SLC8A1: variants seen among roughly 807,000 people sequenced by gnomAD.
SLC8A1 encodes solute carrier family 8 member A1, also known as sodium/calcium exchanger 1.
A neutral mutation model predicts 68.3 loss-of-function variants in SLC8A1; 18 were observed. That is an observed-to-expected ratio of 0.26 (90% CI 0.18 to 0.39). The LOEUF (loss-of-function observed/expected upper bound fraction) is 0.39. Among genes scored for constraint, SLC8A1 ranks in the 10% least tolerant of loss-of-function variants. The pLI is 1.00. For missense variants in SLC8A1, 985 were observed against 1,156.7 expected, an observed-to-expected ratio of 0.85 and a Z score of 2.15; for synonymous variants, 475 against 415.5, an observed-to-expected ratio of 1.14 and a Z score of -1.74.
rs115420962 is a variant in SLC8A1 at position 40,353,612 on chromosome 2, A to G, written c.1808+74861T>C. 5.3e-3 allele frequency among the ~76,000 whole-genome samples: 814 copies of G among 152,294 alleles called. 8 individuals carry two copies. The highest frequency in any genetic ancestry group is 0.018 in the African/African-American group (764 of 41,576). On this transcript the variant is annotated intron_variant, in intron 2 of 7. Coordinates refer to ENST00000406785, the Ensembl canonical transcript of SLC8A1. Reference sequence around the variant, plus strand: ...AGAACTGTCGACTGTGGTAAATTTTAAGCATGTTATAATTCTAGGCCTGAA... The same window carrying G: ...AGAACTGTCGACTGTGGTAAATTTTGAGCATGTTATAATTCTAGGCCTGAA...
chr2:40,336,618 C>T (rs146483384), intron 2 of SLC8A1, among the ~76,000 whole-genome samples: 1 of 152,230 alleles, frequency 6.6e-6, no homozygotes, highest in African/African-American at 2.4e-5. Context: ...TTGGTCTAGG[C>T]TTCATTTCTG....
chr2:40,328,612 A>G lies in SLC8A1; in HGVS notation c.1808+99861T>C, dbSNP rs532598770. ...ACATACATTTTCCACTGCCTCTTAC[A>G]GCAGTTTAAACTAGATATCCCAAAC... On this transcript the variant is annotated intron_variant, in intron 2 of 7. Coordinates refer to ENST00000406785, the Ensembl canonical transcript of SLC8A1. Among the ~76,000 whole-genome samples the G allele has an allele frequency of 3.0e-4, 45 of 152,298 alleles. 1 individual carries two copies. In the East Asian group the frequency reaches 8.3e-3, roughly 28 times the overall value.
intron 2 of SLC8A1, among the ~76,000 whole-genome samples, chr2:40,274,037 C>T (rs1055317862): frequency 2.0e-5 from 3 of 151,384 alleles, no homozygotes; most frequent in South Asian, 4.2e-4. Flanking sequence ...GCCTGTCTGT[C>T]GCCTTATAAA....
rs565248259 is a variant in SLC8A1 at position 40,285,487 on chromosome 2, A to C, written c.1809-107632T>G. 3.9e-5 allele frequency among the ~76,000 whole-genome samples: 6 copies of C among 152,238 alleles called. No individual in the cohort carries two copies. The South Asian group carries it at 1.2e-3, about 32-fold the overall frequency. On this transcript the variant is annotated intron_variant, in intron 2 of 7. Coordinates refer to ENST00000406785, the Ensembl canonical transcript of SLC8A1. Reference sequence around the variant, plus strand: ...CTCTTTCTCCCATAGTATAGCAACAATTGGTCTAAATATTAAGCTTTATCT... The same window carrying C: ...CTCTTTCTCCCATAGTATAGCAACACTTGGTCTAAATATTAAGCTTTATCT...
At chr2:40,190,338 T>G (rs977972295) in intron 2 of SLC8A1, among the ~76,000 whole-genome samples, 1 of 152,158 alleles carries the variant, frequency 6.6e-6, no homozygotes, top group African/African-American at 2.4e-5. Flanking sequence ...ATACGCAAAC[T>G]GAGACTCAGT....
chr2:40,465,095 G>T (rs1200356193), intron 1 of SLC8A1, among the ~76,000 whole-genome samples: 2 of 152,012 alleles, frequency 1.3e-5, no homozygotes, highest in South Asian at 2.1e-4. Context: ...TGTCAACTAG[G>T]GTTGTACCAC....
At chr2:40,429,153 G>C in exon 2 of SLC8A1, 1 of 1,613,122 alleles carries the variant, frequency 6.2e-7, no homozygotes, top group Non-Finnish European at 8.5e-7. Flanking sequence ...TTAAAATGTT[G>C]CCAGCTCCAG....
chr2:40,252,878 ATATTTTGAGCCAAATTT>A (rs2063042776), intron 2 of SLC8A1, among the ~76,000 whole-genome samples: 1 of 109,836 alleles, frequency 9.1e-6, no homozygotes, highest in Non-Finnish European at 1.8e-5. Context: ...CCAATAATAT[ATATTTTGAGCCAAATTT>A]TATATGTATG....
chr2:40,303,105 C>T lies in SLC8A1; in HGVS notation c.1809-125250G>A, dbSNP rs193192330. Among the ~76,000 whole-genome samples, 83 of 152,268 alleles carry T rather than the reference C, an allele frequency of 5.5e-4. No homozygotes were observed. In the South Asian group the frequency reaches 7.2e-3, roughly 13 times the overall value. ...TCTGTATACAGTTACTACACACTGC[C>T]AAAATCTGATTCATTTTGGATAAGT... On this transcript the variant is annotated intron_variant, in intron 2 of 7. Coordinates refer to ENST00000406785, the Ensembl canonical transcript of SLC8A1.
intron 1 of SLC8A1, among the ~76,000 whole-genome samples, chr2:40,481,263 C>T (rs1704612131): frequency 6.6e-6 from 1 of 152,128 alleles, no homozygotes; most frequent in Non-Finnish European, 1.5e-5. Flanking sequence ...CTTACTATAG[C>T]TTTCTAAGGT....
At chr2:40,263,830 A>G (rs942756766) in intron 2 of SLC8A1, among the ~76,000 whole-genome samples, 2 of 152,232 alleles carry the variant, frequency 1.3e-5, no homozygotes, top group Non-Finnish European at 2.9e-5. Context: ...AATGATAACA[A>G]AAGCCAAAAT....
chr2:40,101,842 C>G (rs2033909990), exon 8 of SLC8A1: 1 of 152,036 alleles, frequency 6.6e-6, no homozygotes, highest in South Asian at 2.1e-4. Flanking sequence ...AGGGTCACTC[C>G]AAAATTTTTG....
intron 2 of SLC8A1, among the ~76,000 whole-genome samples, chr2:40,348,466 C>G (rs1217124674): frequency 1.3e-5 from 2 of 152,104 alleles, no homozygotes; most frequent in Non-Finnish European, 2.9e-5. Flanking sequence ...AATAAAAAAG[C>G]TTTTTTTCTG....
intron 1 of SLC8A1, among the ~76,000 whole-genome samples, chr2:40,494,164 C>T (rs569120178): frequency 6.6e-6 from 1 of 152,000 alleles, no homozygotes; most frequent in South Asian, 2.1e-4. Context: ...TCTGGCTGTC[C>T]CACTTCCATG....
At chr2:40,345,472 C>T (rs1420373108) in intron 2 of SLC8A1, among the ~76,000 whole-genome samples, 1 of 152,060 alleles carries the variant, frequency 6.6e-6, no homozygotes, top group African/African-American at 2.4e-5. Context: ...CAAAAAAAAT[C>T]ATACCATTAA....
chr2:40,344,284 T>A (rs1431796814), intron 2 of SLC8A1, among the ~76,000 whole-genome samples: 1 of 152,202 alleles, frequency 6.6e-6, no homozygotes, highest in Admixed American at 6.5e-5. Context: ...TTTCATGCAC[T>A]ATTTGCCTGG....
intron 2 of SLC8A1, among the ~76,000 whole-genome samples, chr2:40,253,213 AC>A (rs2063257341): frequency 6.8e-6 from 1 of 147,764 alleles, no homozygotes; most frequent in Admixed American, 6.7e-5. Context: ...ACACATCTAT[AC>A]ATATTTACAT....
intron 2 of SLC8A1, among the ~76,000 whole-genome samples, chr2:40,359,064 T>C (rs568296394): frequency 1.3e-5 from 2 of 152,010 alleles, no homozygotes; most frequent in Non-Finnish European, 2.9e-5. Context: ...AAGGTCAACA[T>C]ACAAAGCTGG....
At chr2:40,283,645 C>G (rs974000688) in intron 2 of SLC8A1, among the ~76,000 whole-genome samples, 1 of 152,122 alleles carries the variant, frequency 6.6e-6, no homozygotes, top group South Asian at 2.1e-4. Flanking sequence ...TTTCTTGCAC[C>G]CAGTGCTTGA....
Sources: allele counts gnomAD v4.1 joint callset (sites outside exome capture counted in the v4.1 genomes callset), GRCh38; gene constraint gnomAD v4.1.1; transcripts MANE v1.5; gene names NCBI Gene and HGNC (gene_info 2026-07-23, HGNC 2026-07-21).